The following SMAP1 variants were observed in gnomAD, a reference collection of about 807,000 sequenced individuals.
SMAP1 encodes stromal membrane-associated protein 1.
Under a neutral mutation model 58.5 loss-of-function variants are expected in SMAP1, and 24 were observed. The ratio of observed to expected loss-of-function variants is 0.41; its 90% confidence interval spans 0.30 to 0.58. The LOEUF (loss-of-function observed/expected upper bound fraction) is 0.58, where lower values mean the gene tolerates loss of function less well. Among genes scored for constraint, SMAP1 ranks in the 20% least tolerant of loss-of-function variants. The pLI is 0.29. For synonymous variants in SMAP1, 216 were observed against 196.6 expected (o/e 1.10, Z -0.82); for missense variants, 563 against 566.3 (o/e 0.99, Z 0.06).
intron 6 of SMAP1, among the ~76,000 whole-genome samples, chr6:70,803,930 T>G (rs1488835962): frequency 6.6e-6 from 1 of 152,044 alleles, no homozygotes; most frequent in Non-Finnish European, 1.5e-5. Context: ...AATTTTAGAA[T>G]AAGTGTGATG....
intron 6 of SMAP1, among the ~76,000 whole-genome samples, chr6:70,829,043 T>A (rs1187530363): frequency 6.6e-6 from 1 of 152,132 alleles, no homozygotes; most frequent in Non-Finnish European, 1.5e-5. Context: ...GCACCGTGTT[T>A]CCTATTTGAC....
At chr6:70,827,377 A>C (rs958504930) in intron 6 of SMAP1, among the ~76,000 whole-genome samples, 2 of 152,248 alleles carry the variant, frequency 1.3e-5, no homozygotes, top group Non-Finnish European at 2.9e-5. Flanking sequence ...TCCTGAATAT[A>C]GCACAAAAGA....
chr6:70,810,929 C>G (rs942081829), intron 6 of SMAP1, among the ~76,000 whole-genome samples: 45 of 152,028 alleles, frequency 3.0e-4, no homozygotes, highest in African/African-American at 1.0e-3. Flanking sequence ...TTCCACTGAG[C>G]ACAGTAAGAC....
At chr6:70,767,704 A>G (rs956023395) in intron 3 of SMAP1, among the ~76,000 whole-genome samples, 19 of 148,022 alleles carry the variant, frequency 1.3e-4, no homozygotes, top group African/African-American at 4.3e-4. Flanking sequence ...AACAGGGACA[A>G]TTTGACTTCC....
At chr6:70,766,414 C>T (rs2149903071) in intron 3 of SMAP1, among the ~76,000 whole-genome samples, 1 of 152,258 alleles carries the variant, frequency 6.6e-6, no homozygotes, top group African/African-American at 2.4e-5. Flanking sequence ...CCTGTTGTTT[C>T]CTGACTTTTT....
chr6:70,741,525 T>A (rs1453403296), intron 2 of SMAP1, among the ~76,000 whole-genome samples: 1 of 152,220 alleles, frequency 6.6e-6, no homozygotes, highest in African/African-American at 2.4e-5. Context: ...GCTTTGCCCC[T>A]GTGTCTTTGC....
intron 1 of SMAP1, among the ~76,000 whole-genome samples, chr6:70,695,328 A>C (rs891540090): frequency 3.9e-5 from 6 of 152,192 alleles, no homozygotes; most frequent in African/African-American, 1.4e-4. Context: ...GCTGAATAAC[A>C]GTAGTGACAG....
chr6:70,847,191 C>T lies in SMAP1; in HGVS notation c.665-5349C>T, dbSNP rs76583040. On this transcript the variant is annotated intron_variant, in intron 7 of 10. Transcript: ENST00000370455. ...TTAATAGAGTCATTTGGCTCACTTC[C>T]CAAATTGAGGATTTTTAGGTGACAA... Among the ~76,000 whole-genome samples, 18 of 152,204 alleles carry T rather than the reference C, an allele frequency of 1.2e-4. No individual in the cohort carries two copies. In the East Asian group the frequency reaches 3.3e-3, roughly 28 times the overall value.
intron 1 of SMAP1, among the ~76,000 whole-genome samples, chr6:70,721,995 T>A (rs996319956): frequency 6.6e-6 from 1 of 152,308 alleles, no homozygotes; most frequent in Non-Finnish European, 1.5e-5. Context: ...CATCTCCTAA[T>A]AACAAAGACT....
At chr6:70,845,356 A>G (rs1293787494) in intron 7 of SMAP1, among the ~76,000 whole-genome samples, 1 of 152,204 alleles carries the variant, frequency 6.6e-6, no homozygotes, top group African/African-American at 2.4e-5. Flanking sequence ...GCTGCTGTCC[A>G]GAAACTGGAA....
At chr6:70,692,783 A>C (rs920757232) in intron 1 of SMAP1, among the ~76,000 whole-genome samples, 2 of 151,802 alleles carry the variant, frequency 1.3e-5, no homozygotes, top group Admixed American at 1.3e-4. Context: ...CTATGTGTCT[A>C]TTTTTTGTTG....
intron 6 of SMAP1, among the ~76,000 whole-genome samples, chr6:70,807,361 C>T (rs1043762054): frequency 6.6e-6 from 1 of 152,194 alleles, no homozygotes; most frequent in African/African-American, 2.4e-5. Context: ...ACTAATAAGG[C>T]AGATGCCTTT....
intron 1 of SMAP1, among the ~76,000 whole-genome samples, chr6:70,668,882 T>G (rs1562081439): frequency 6.6e-6 from 1 of 152,230 alleles, no homozygotes; most frequent in Non-Finnish European, 1.5e-5. Context: ...TTAGGTTTTC[T>G]CTGACCAGCT....
At chr6:70,679,012 G>A (rs1766592361) in intron 1 of SMAP1, among the ~76,000 whole-genome samples, 1 of 151,282 alleles carries the variant, frequency 6.6e-6, no homozygotes, top group Non-Finnish European at 1.5e-5. Context: ...ATGGAATCTA[G>A]ATTTTTTGTT....
chr6:70,801,805 G>GTCAAAGA (rs1429444144), intron 6 of SMAP1, among the ~76,000 whole-genome samples: 2 of 152,174 alleles, frequency 1.3e-5, no homozygotes, highest in African/African-American at 4.8e-5. Flanking sequence ...TGTCAAGTTT[G>GTCAAAGA]TCAAAGATCA....
At chr6:70,668,248 G>A (rs921830163) in intron 1 of SMAP1, 107 bp downstream of exon 1, 14 of 1,080,234 alleles carry the variant, frequency 1.3e-5, no homozygotes, top group Non-Finnish European at 1.9e-5. Flanking sequence ...TTCGCTGGCC[G>A]GCTCCTGCCC....
At chr6:70,681,704 T>G (rs908519971) in intron 1 of SMAP1, among the ~76,000 whole-genome samples, 1 of 152,200 alleles carries the variant, frequency 6.6e-6, no homozygotes, top group Admixed American at 6.5e-5. Flanking sequence ...CCAAGTCAAT[T>G]AGAATACTAA....
rs369006030 is a variant in SMAP1 at position 70,721,701 on chromosome 6, A to G, written c.119-10677A>G. 5.3e-5 allele frequency among the ~76,000 whole-genome samples: 8 copies of G among 152,354 alleles called. No homozygotes were observed. The East Asian group carries it at 1.3e-3, about 26-fold the overall frequency. On this transcript the variant is annotated intron_variant, in intron 1 of 10. Coordinates refer to ENST00000370455, the MANE Select transcript of SMAP1 (RefSeq NM_001044305.3). ...GAAAAAGTGGTTTAATTGGACTTAC[A>G]GTTCCACATGGCTGGGGAGGCCTCA...
intron 6 of SMAP1, among the ~76,000 whole-genome samples, chr6:70,806,568 A>G (rs1419495135): frequency 1.3e-5 from 2 of 152,132 alleles, no homozygotes; most frequent in African/African-American, 4.8e-5. Flanking sequence ...AAATGCAGAA[A>G]TCACCCATCT....
Sources: allele counts gnomAD v4.1 joint callset (sites outside exome capture counted in the v4.1 genomes callset), GRCh38; gene constraint gnomAD v4.1.1; transcripts MANE v1.5; gene names NCBI Gene and HGNC (gene_info 2026-07-23, HGNC 2026-07-21).